AGTR1: variants seen among roughly 807,000 people sequenced by gnomAD.
AGTR1 encodes type-1 angiotensin II receptor.
In AGTR1, 16 loss-of-function variants were observed where a neutral mutation model predicts 19.4. The ratio of observed to expected loss-of-function variants is 0.82; its 90% confidence interval spans 0.56 to 1.25. The LOEUF (loss-of-function observed/expected upper bound fraction) is 1.25, where lower values mean the gene tolerates loss of function less well. Ranked by LOEUF, AGTR1 falls within the 50% of genes most tolerant of loss-of-function variation. The probability of loss-of-function intolerance (pLI) is 0.00; values close to 1 mark genes in which losing one functional copy is unlikely to be tolerated. For synonymous variants in AGTR1, 153 were observed against 154.9 expected (o/e 0.99, Z 0.09); for missense variants, 373 against 431.9 (o/e 0.86, Z 1.21).
At chr3:148,701,667 C>T (rs1712350682) in intron 1 of AGTR1, among the ~76,000 whole-genome samples, 1 of 152,134 alleles carries the variant, frequency 6.6e-6, no homozygotes, top group Non-Finnish European at 1.5e-5. Context: ...GTTAATCTCA[C>T]ATGTAATTTT....
chr3:148,741,210 C>T lies in AGTR1; in HGVS notation c.175C>T (p.Leu59=). ...VVIVIYFYMK[L]KTVASVFLLN... ...GATAGTCATTTACTTTTATATGAAG[C>T]TGAAGACTGTGGCCAGTGTTTTTCT... Residue 59 remains leucine (L), a synonymous_variant, in exon 3 of 3, where the codon CTG becomes TTG. Transcript: ENST00000349243. 2.5e-5 allele frequency: 40 copies of T among 1,614,166 alleles called. No individual in the cohort carries two copies. The highest frequency in any genetic ancestry group is 2.8e-5 in the Non-Finnish European group (33 of 1,180,034).
Position 148,741,554 on chromosome 3 carries a change from G to A in AGTR1, c.519G>A (p.Glu173=). 6.2e-7 allele frequency: 1 copy of A among 1,614,054 alleles called. No homozygotes were observed. Among genetic ancestry groups the A allele is most frequent in the Non-Finnish European group, 8.5e-7 (1 of 1,179,956 alleles). Residue 173 remains glutamate (E), a synonymous_variant, in exon 3 of 3, where the codon GAG becomes GAA. Coordinates refer to ENST00000349243, the MANE Select transcript of AGTR1 (RefSeq NM_000685.5). ...TCCATCGAAATGTATTTTTCATTGA[G>A]AACACCAATATTACAGTTTGTGCTT... ...AIIHRNVFFI[E]NTNITVCAFH...
chr3:148,734,504 A>G (rs764066249), intron 2 of AGTR1, among the ~76,000 whole-genome samples: 1 of 152,218 alleles, frequency 6.6e-6, no homozygotes, highest in Non-Finnish European at 1.5e-5. Context: ...GCCACTATTT[A>G]CCATGTACAT....
Position 148,703,083 on chromosome 3 carries a change from G to C in AGTR1, c.-131-4861G>C, listed in dbSNP as rs12695873. On this transcript the variant is annotated intron_variant, in intron 1 of 2. Transcript: ENST00000349243. ...TAAAAGGTTGAAATATCAAATCGGTGGTTCTTAAGATGACAGAGGCAGGTG... is the reference window on the plus strand; with the variant it reads ...TAAAAGGTTGAAATATCAAATCGGTCGTTCTTAAGATGACAGAGGCAGGTG... 2.2e-3 allele frequency among the ~76,000 whole-genome samples: 331 copies of C among 152,234 alleles called. 4 individuals are homozygous for C. The highest frequency in any genetic ancestry group is 7.7e-3 in the African/African-American group (321 of 41,540).
chr3:148,721,816 C>T (rs4488792), intron 2 of AGTR1, among the ~76,000 whole-genome samples: 47,547 of 151,964 alleles, frequency 0.31, 10,260 homozygotes, highest in African/African-American at 0.62. Flanking sequence ...ATCACCCAAA[C>T]GTATTAGAGA....
At chr3:148,698,986 C>A (rs1450392039) in intron 1 of AGTR1, among the ~76,000 whole-genome samples, 2 of 127,064 alleles carry the variant, frequency 1.6e-5, no homozygotes, top group African/African-American at 9.5e-5. Context: ...CCTTCTGCAC[C>A]GTTTTTTTCT....
At chr3:148,702,317 G>T (rs996323241) in intron 1 of AGTR1, among the ~76,000 whole-genome samples, 18 of 152,038 alleles carry the variant, frequency 1.2e-4, no homozygotes, top group Admixed American at 9.2e-4. Context: ...TTGCTAATTT[G>T]CTAAGTTTAT....
At chr3:148,725,110 C>T (rs1191936721) in intron 2 of AGTR1, among the ~76,000 whole-genome samples, 1 of 152,074 alleles carries the variant, frequency 6.6e-6, no homozygotes, top group African/African-American at 2.4e-5. Flanking sequence ...CATGTTAAGT[C>T]AGATAATTCA....
intron 2 of AGTR1, chr3:148,730,064 T>G (rs1714165063): frequency 2.6e-6 from 1 of 390,288 alleles, no homozygotes; most frequent in Non-Finnish European, 4.5e-6. Flanking sequence ...TCATAGCACC[T>G]CCAGATCCAT....
intron 1 of AGTR1, among the ~76,000 whole-genome samples, chr3:148,700,203 G>T (rs1712256064): frequency 6.6e-6 from 1 of 152,058 alleles, no homozygotes; most frequent in African/African-American, 2.4e-5. Flanking sequence ...TGTTCCTGCT[G>T]CTACTTACGA....
intron 2 of AGTR1, among the ~76,000 whole-genome samples, chr3:148,710,870 A>G (rs1712942784): frequency 6.6e-6 from 1 of 151,994 alleles, no homozygotes; most frequent in African/African-American, 2.4e-5. Context: ...TTAATGAAAG[A>G]GTTCTTGCTC....
rs918967257 is a variant in AGTR1 at position 148,739,817 on chromosome 3, G to A, written c.-47-1172G>A. 200 of 1,231,740 alleles carry A rather than the reference G, an allele frequency of 1.6e-4. 2 individuals are homozygous for A. In the African/African-American group the frequency reaches 2.9e-3, roughly 18 times the overall value. 76.3% of individuals were successfully genotyped at this position (1,231,740 alleles called of 1,614,324 possible). A position where few individuals can be genotyped will look rare whatever the true frequency, so the allele number is the denominator to read the frequency against. ...TTCCCCAGGGCATGCCATTGCAAGAGAATGCTCAGCCATGTTCATCTGGGG... is the reference window on the plus strand; with the variant it reads ...TTCCCCAGGGCATGCCATTGCAAGAAAATGCTCAGCCATGTTCATCTGGGG... On this transcript the variant is annotated intron_variant, in intron 2 of 2. Transcript: ENST00000349243.
Position 148,740,995 on chromosome 3 carries a change from T to C in AGTR1, c.-41T>C, listed in dbSNP as rs1349409162. 1 of 1,611,620 alleles carries C rather than the reference T, an allele frequency of 6.2e-7. No homozygotes were observed. Among genetic ancestry groups the C allele is most frequent in the East Asian group, 2.2e-5 (1 of 44,880 alleles). Reference sequence around the variant, plus strand: ...TTATTTTTATTTTCCCCAGGTGTATTTGATATAGTGTTTGCAACAAATTCG... The same window carrying C: ...TTATTTTTATTTTCCCCAGGTGTATCTGATATAGTGTTTGCAACAAATTCG... On this transcript the variant is annotated 5_prime_UTR_variant, in exon 3 of 3. Transcript: ENST00000349243.
intron 2 of AGTR1, among the ~76,000 whole-genome samples, chr3:148,720,536 A>G (rs1488806106): frequency 2.0e-5 from 3 of 152,246 alleles, no homozygotes; most frequent in Non-Finnish European, 2.9e-5. Context: ...TACATAAATT[A>G]TCATCATTGC....
At chr3:148,739,758 G>T in intron 2 of AGTR1, 1 of 1,230,278 alleles carries the variant, frequency 8.1e-7, no homozygotes, top group East Asian at 3.2e-5. Context: ...ACCATGCTTG[G>T]CATGGCAGTG....
rs867533064 is a variant in AGTR1, at chr3:148,701,973, G to A, written c.-132+3846G>A. 7.7e-5 allele frequency among the ~76,000 whole-genome samples: 11 copies of A among 143,584 alleles called. 1 individual carries two copies. In the South Asian group the frequency reaches 8.8e-4, roughly 11 times the overall value. 94.2% of individuals were successfully genotyped at this position (143,584 alleles called of 152,430 possible). ...TATTGAGAAATACACATATGATTGT[G>A]TACCTTTTTTTTTTTTTTTTTTGAG... On this transcript the variant is annotated intron_variant, in intron 1 of 2. Coordinates refer to ENST00000349243, the MANE Select transcript of AGTR1 (RefSeq NM_000685.5).
Position 148,742,100 on chromosome 3 carries a change from T to C in AGTR1, c.1065T>C (p.Cys355=), listed in dbSNP as rs1213268332. The C allele has an allele frequency of 6.2e-7, 1 of 1,613,446 alleles. No homozygotes were observed. The highest frequency in any genetic ancestry group is 1.3e-5 in the African/African-American group (1 of 74,776). The part of the protein sequence containing the change: ...VSSSTKKPAP[C]FEVE The stretch of plus-strand genomic sequence containing the variant: ...CATCCACCAAGAAGCCTGCACCATG[T>C]TTTGAGGTTGAGTGACATGTTCGAA... Residue 355 remains cysteine, a synonymous_variant, in exon 3 of 3, where the codon TGT becomes TGC. Transcript: ENST00000349243.
At chr3:148,731,261 G>C (rs1363909979) in intron 2 of AGTR1, 1 of 152,128 alleles carries the variant, frequency 6.6e-6, no homozygotes, top group African/African-American at 2.4e-5. Context: ...CCCAAAAGCT[G>C]TAAATACTCT....
intron 2 of AGTR1, among the ~76,000 whole-genome samples, chr3:148,714,952 T>C (rs983131720): frequency 2.0e-5 from 3 of 152,152 alleles, no homozygotes; most frequent in Non-Finnish European, 4.4e-5. Context: ...TTTAGATAAA[T>C]ACAGCAATGT....
Sources: gnomAD v4.1 joint callset for allele counts (sites outside exome capture counted in the v4.1 genomes callset) on GRCh38, gnomAD v4.1.1 for gene constraint, MANE v1.5 for transcripts, NCBI Gene and HGNC (gene_info 2026-07-23, HGNC 2026-07-21) for gene names.